The following SCUBE2 variants were observed in gnomAD, a reference collection of about 807,000 sequenced individuals.
SCUBE2 encodes signal peptide, CUB and EGF-like domain-containing protein 2.
Under a neutral mutation model 125.9 loss-of-function variants are expected in SCUBE2, and 114 were observed. That is an observed-to-expected ratio of 0.91 (90% CI 0.78 to 1.06). The LOEUF is 1.06. Among genes scored for constraint, SCUBE2 ranks in the 50% least tolerant of loss-of-function variants. The pLI, the probability that SCUBE2 is intolerant of heterozygous loss-of-function variation, is 0.00. For missense variants in SCUBE2, 1,255 were observed against 1,301.8 expected (o/e 0.96, Z 0.55); for synonymous variants, 459 against 492.9 (o/e 0.93, Z 0.91).
chr11:9,025,518 C>T (rs1266701210), intron 21 of SCUBE2, 184 bp downstream of exon 21: 12 of 580,862 alleles, frequency 2.1e-5, no homozygotes, highest in Non-Finnish European at 3.6e-5. Flanking sequence ...ACATCTTTTC[C>T]TCCTATTGTC....
At chr11:9,060,268 G>A in intron 8 of SCUBE2, 140 bp downstream of exon 8, 1 of 638,252 alleles carries the variant, frequency 1.6e-6, no homozygotes, top group South Asian at 2.1e-5. Context: ...GGGGGAAAAA[G>A]CTCCCATTGA....
At chr11:9,060,545 G>A in intron 7 of SCUBE2, 21 bp from the exon 8 acceptor site, 1 of 1,595,680 alleles carries the variant, frequency 6.3e-7, no homozygotes, top group East Asian at 2.2e-5. Context: ...GGTAAGAAAA[G>A]ACAATTAGCT....
At chr11:9,034,474 T>C (rs1348088979) in intron 16 of SCUBE2, among the ~76,000 whole-genome samples, 1 of 152,162 alleles carries the variant, frequency 6.6e-6, no homozygotes, top group Non-Finnish European at 1.5e-5. Flanking sequence ...TCCTAGCTAC[T>C]GGGGAGGCTA....
chr11:9,036,595 T>C (rs1590024753), intron 16 of SCUBE2, among the ~76,000 whole-genome samples: 1 of 152,236 alleles, frequency 6.6e-6, no homozygotes, highest in South Asian at 2.1e-4. Flanking sequence ...AAAGTGCCGA[T>C]ATGGTGACAA....
At chr11:9,030,973 T>C in intron 17 of SCUBE2, 48 bp from the exon 18 acceptor site, 1 of 1,562,874 alleles carries the variant, frequency 6.4e-7, no homozygotes, top group East Asian at 2.3e-5. Flanking sequence ...AGGCAGACCC[T>C]TGCTCCCCAC....
chr11:9,069,584 C>T, intron 4 of SCUBE2, 89 bp from the exon 5 acceptor site: 1 of 1,543,688 alleles, frequency 6.5e-7, no homozygotes, highest in South Asian at 1.2e-5. Flanking sequence ...GGGTGGCCCA[C>T]AGATCTGTCT....
intron 14 of SCUBE2, among the ~76,000 whole-genome samples, chr11:9,049,689 G>T (rs7106593): frequency 0.59 from 89,494 of 151,948 alleles, 26,545 homozygotes; most frequent in Admixed American, 0.64. Context: ...ACTAATGATA[G>T]GGTGAGTTTT....
Position 9,033,635 on chromosome 11 carries a change from C to T in SCUBE2, c.2164G>A (p.Glu722Lys). The T allele has an allele frequency of 1.2e-6, 2 of 1,613,820 alleles. No homozygotes were observed. The highest frequency in any genetic ancestry group is 1.7e-6 in the Non-Finnish European group (2 of 1,179,916). The change falls in exon 17 of 23, where the codon GAA (glutamate) becomes AAA (lysine). Residue 722 changes from glutamate (E) to lysine (K), a missense_variant. By Grantham distance (56) the Glu-to-Lys change is moderately conservative. Coordinates refer to ENST00000649792, the MANE Select transcript of SCUBE2 (RefSeq NM_001367977.2). ...CAGACAGCATCCTTACCTCCACATT[C>T]AGACATATTCCAAGCTTCTGGGGTC... The part of the protein sequence containing the change: ...LKTPEAWNMS[E>K]CGGLCQPGEY...
intron 17 of SCUBE2, among the ~76,000 whole-genome samples, chr11:9,033,074 C>T (rs1856452171): frequency 6.6e-6 from 1 of 152,058 alleles, no homozygotes; most frequent in Non-Finnish European, 1.5e-5. Flanking sequence ...AGCCCTTCTC[C>T]CATTTAATAA....
chr11:9,067,855 G>T (rs989292847), intron 5 of SCUBE2, among the ~76,000 whole-genome samples: 4 of 110,340 alleles, frequency 3.6e-5, no homozygotes, highest in African/African-American at 1.1e-4. Context: ...GCTTACAGGT[G>T]CCCACCCCCC....
chr11:9,024,856 G>A (rs754931689), intron 21 of SCUBE2, among the ~76,000 whole-genome samples: 2 of 152,170 alleles, frequency 1.3e-5, no homozygotes, highest in Non-Finnish European at 2.9e-5. Context: ...AGGGCTTTGG[G>A]CTGTTATAGC....
At chr11:9,076,936 G>C (rs191173410) in intron 3 of SCUBE2, among the ~76,000 whole-genome samples, 1 of 152,182 alleles carries the variant, frequency 6.6e-6, no homozygotes, top group African/African-American at 2.4e-5. Context: ...AGGTGAGCAG[G>C]AGAGGTCTGT....
chr11:9,042,767 G>C (rs1857368253), intron 16 of SCUBE2, among the ~76,000 whole-genome samples: 2 of 152,164 alleles, frequency 1.3e-5, no homozygotes. Flanking sequence ...GGCCACATCA[G>C]AATCCTCTGA....
chr11:9,037,025 A>G (rs1057123749), intron 16 of SCUBE2, among the ~76,000 whole-genome samples: 5 of 152,226 alleles, frequency 3.3e-5, no homozygotes, highest in Admixed American at 3.3e-4. Context: ...ATTCATGCCA[A>G]GCACCTCCCA....
intron 16 of SCUBE2, 56 bp downstream of exon 16, chr11:9,047,300 G>A: frequency 6.3e-7 from 1 of 1,579,668 alleles, no homozygotes; most frequent in Non-Finnish European, 8.7e-7. Flanking sequence ...CGGTTACCCT[G>A]AGTGTTTATG....
intron 20 of SCUBE2, chr11:9,026,892 C>G (rs899701627): frequency 3.1e-5 from 5 of 162,204 alleles, no homozygotes; most frequent in Non-Finnish European, 5.4e-5. Flanking sequence ...GAGATCCAGG[C>G]AGTCTGGCTG....
chr11:9,079,168 C>G (rs1861432518), intron 3 of SCUBE2, among the ~76,000 whole-genome samples: 1 of 152,208 alleles, frequency 6.6e-6, no homozygotes, highest in Non-Finnish European at 1.5e-5. Context: ...ATGACGATGT[C>G]ACCCATCTCC....
chr11:9,089,582 T>C (rs1357929133), intron 2 of SCUBE2, 125 bp downstream of exon 2: 1 of 1,058,074 alleles, frequency 9.5e-7, no homozygotes, highest in Non-Finnish European at 1.4e-6. Context: ...GCAGGTGATG[T>C]GATTCAGGGG....
rs1343263082 is a variant in SCUBE2 at position 9,027,123 on chromosome 11, C to G, written c.2701+241G>C. ...CCTTGTGGAAGAGGGTCCAAAACGC[C>G]CCAGTGAGCACAGAGGGGAAGACTG... is the stretch of plus-strand genomic sequence containing the variant. On this transcript the variant is annotated intron_variant, in intron 20 of 22. Transcript: ENST00000649792. 62 of 527,816 alleles carry G rather than the reference C, an allele frequency of 1.2e-4. No individual in the cohort carries two copies. In the Admixed American group the frequency reaches 1.9e-3, roughly 16 times the overall value. 32.7% of individuals were successfully genotyped at this position (527,816 alleles called of 1,614,324 possible).
Sources: gnomAD v4.1 joint callset for allele counts (sites outside exome capture counted in the v4.1 genomes callset) on GRCh38, gnomAD v4.1.1 for gene constraint, MANE v1.5 for transcripts, NCBI Gene and HGNC (gene_info 2026-07-23, HGNC 2026-07-21) for gene names.